NT5DC3: variants seen among roughly 807,000 people sequenced by gnomAD.
NT5DC3 encodes 5'-nucleotidase domain-containing protein 3.
In NT5DC3, 42 loss-of-function variants were observed where a neutral mutation model predicts 67.8. The observed-to-expected ratio is 0.62, with a 90% CI of 0.48 to 0.80. The LOEUF is 0.80. NT5DC3 is among the 30% of genes least tolerant of loss of function. NT5DC3 has a pLI of 0.00. For missense variants in NT5DC3, 570 were observed against 696.4 expected, an observed-to-expected ratio of 0.82 and a Z score of 2.04; for synonymous variants, 237 against 255.6, an observed-to-expected ratio of 0.93 and a Z score of 0.69.
chr12:103,800,833 T>C (rs1391901568), intron 4 of NT5DC3, among the ~76,000 whole-genome samples: 1 of 152,240 alleles, frequency 6.6e-6, no homozygotes, highest in African/African-American at 2.4e-5. Context: ...ACTAGGGATA[T>C]TACCTTGATA....
rs772178095 is a variant in NT5DC3 at position 103,793,940 on chromosome 12, T to C, written c.811A>G (p.Ile271Val). ...GIMYRAIEAD[I>V]EKYICYAEQT... ...CGTGATACTGCTGAGCACATACCAA[T>C]GTCTGCTTCAATTGCTCTGTACATT... The change falls in exon 7 of 14, where the codon ATT (isoleucine) becomes GTT (valine). Residue 271 changes from isoleucine (I) to valine (V), a missense_variant. Physicochemically the swap from Ile to Val is conservative, Grantham distance 29. Transcript: ENST00000392876. 1.9e-6 allele frequency: 3 copies of C among 1,610,216 alleles called. No homozygotes were observed. The highest frequency in any genetic ancestry group is 1.3e-5 in the African/African-American group (1 of 74,962).
chr12:103,748,737 C>T, the NT5DC3 span, among the ~76,000 whole-genome samples: 1 of 152,088 alleles, frequency 6.6e-6, no homozygotes, highest in Admixed American at 6.6e-5. Context: ...ACAAAGGGGG[C>T]AGAAGCGGAC....
chr12:103,752,575 T>A, the NT5DC3 span, among the ~76,000 whole-genome samples: 1 of 152,186 alleles, frequency 6.6e-6, no homozygotes, highest in African/African-American at 2.4e-5. Flanking sequence ...GGGAAATGAA[T>A]TTTTAAAACT....
At chr12:103,805,409 C>T (rs1417514624) in intron 4 of NT5DC3, among the ~76,000 whole-genome samples, 1 of 152,150 alleles carries the variant, frequency 6.6e-6, no homozygotes, top group Non-Finnish European at 1.5e-5. Context: ...AATAAACAAG[C>T]ATTAATTTTA....
downstream of NT5DC3, among the ~76,000 whole-genome samples, chr12:103,769,121 C>T (rs182947262): frequency 6.6e-6 from 1 of 152,246 alleles, no homozygotes; most frequent in African/African-American, 2.4e-5. Context: ...CCCCCCAACA[C>T]ACACACACAA....
chr12:103,838,353 C>A (rs1213067230), intron 1 of NT5DC3, among the ~76,000 whole-genome samples: 1 of 152,164 alleles, frequency 6.6e-6, no homozygotes, highest in African/African-American at 2.4e-5. Flanking sequence ...GTCCTAAATG[C>A]CTTTCATGGA....
At chr12:103,758,047 G>T in the NT5DC3 span, 83 of 1,403,748 alleles carry the variant, frequency 5.9e-5, no homozygotes, top group Non-Finnish European at 7.6e-5. Flanking sequence ...CAAAGGAGCA[G>T]CAGGCTGAGT....
intron 2 of NT5DC3, among the ~76,000 whole-genome samples, chr12:103,811,022 C>T (rs560522915): frequency 1.3e-5 from 2 of 152,178 alleles, no homozygotes; most frequent in Non-Finnish European, 2.9e-5. Flanking sequence ...CTCATCAGGA[C>T]GCTGGCCCCA....
chr12:103,776,766 TGTG>T lies in NT5DC3; in HGVS notation c.*1060_*1062del, dbSNP rs1290042588. ...AAGAGAAGGCTGGACATGGCTAAGT[TGTG>T]GTGGCCATCTTCCTCCTCCCCTGGC... is the stretch of plus-strand genomic sequence containing the variant. On this transcript the variant is annotated 3_prime_UTR_variant, in exon 14 of 14. Coordinates refer to ENST00000392876, the MANE Select transcript of NT5DC3 (RefSeq NM_001031701.3). The T allele has an allele frequency of 6.6e-6, 1 of 151,784 alleles. No homozygotes were observed. The highest frequency in any genetic ancestry group is 1.5e-5 in the Non-Finnish European group (1 of 68,026). 9.4% of individuals were successfully genotyped at this position (151,784 alleles called of 1,614,324 possible).
the NT5DC3 span, among the ~76,000 whole-genome samples, chr12:103,754,160 G>A: frequency 6.6e-6 from 1 of 152,064 alleles, no homozygotes; most frequent in South Asian, 2.1e-4. Context: ...CTTTACCAAG[G>A]AATAAAGCCT....
At chr12:103,756,662 G>A in the NT5DC3 span, among the ~76,000 whole-genome samples, 1 of 152,224 alleles carries the variant, frequency 6.6e-6, no homozygotes, top group South Asian at 2.1e-4. Context: ...ACGGAACAAG[G>A]ACAGCCTGGG....
chr12:103,757,040 ATAT>A, the NT5DC3 span, among the ~76,000 whole-genome samples: 2 of 145,238 alleles, frequency 1.4e-5, no homozygotes, highest in African/African-American at 5.0e-5. Flanking sequence ...TAAAATATAT[ATAT>A]TAAAGTATGT....
At chr12:103,784,954 C>T (rs551500440) in intron 12 of NT5DC3, among the ~76,000 whole-genome samples, 104 of 152,256 alleles carry the variant, frequency 6.8e-4, no homozygotes, top group African/African-American at 2.4e-3. Context: ...TTCGTTCCAG[C>T]GGCCCCTTTA....
At chr12:103,750,700 G>T in the NT5DC3 span, 1 of 1,613,882 alleles carries the variant, frequency 6.2e-7, no homozygotes, top group Non-Finnish European at 8.5e-7. Flanking sequence ...GACGCCAAAT[G>T]TGTCGACCTC....
At chr12:103,789,657 C>T (rs1307165368) in intron 9 of NT5DC3, among the ~76,000 whole-genome samples, 1 of 151,922 alleles carries the variant, frequency 6.6e-6, no homozygotes, top group Non-Finnish European at 1.5e-5. Flanking sequence ...GGCTTTGTAC[C>T]TGAAATTAAG....
At chr12:103,761,783 C>T in the NT5DC3 span, among the ~76,000 whole-genome samples, 1 of 152,180 alleles carries the variant, frequency 6.6e-6, no homozygotes, top group Non-Finnish European at 1.5e-5. Context: ...TGCCTCCCTC[C>T]TGGGTTTTGG....
At chr12:103,766,663 A>G (rs1273968805), downstream of NT5DC3, 4 of 295,404 alleles carry the variant, frequency 1.4e-5, no homozygotes, top group Non-Finnish European at 2.6e-5. Flanking sequence ...CCCAGCCCCT[A>G]GCCCAGTGCC....
At chr12:103,798,728 A>AT (rs1886431430) in intron 4 of NT5DC3, 51 bp from the exon 5 acceptor site, 1 of 1,296,912 alleles carries the variant, frequency 7.7e-7, no homozygotes, top group Non-Finnish European at 1.1e-6. Flanking sequence ...GAAACCAATG[A>AT]TTTTCACACC....
chr12:103,749,841 C>CAGAAA, the NT5DC3 span, among the ~76,000 whole-genome samples: 1 of 51,132 alleles, frequency 2.0e-5, no homozygotes, highest in Non-Finnish European at 3.5e-5. Flanking sequence ...CTCTGTCTCA[C>CAGAAA]AAAAAAAAAA....
Sources: allele counts gnomAD v4.1 joint callset (sites outside exome capture counted in the v4.1 genomes callset), GRCh38; gene constraint gnomAD v4.1.1; transcripts MANE v1.5; gene names NCBI Gene and HGNC (gene_info 2026-07-23, HGNC 2026-07-21).